The following CACNA2D2 variants were observed in gnomAD, a reference collection of about 807,000 sequenced individuals.
CACNA2D2 encodes the protein voltage-dependent calcium channel subunit alpha-2/delta-2.
CACNA2D2 carries 48 observed loss-of-function variants against 166.4 expected under a neutral mutation model. The observed-to-expected ratio is 0.29, with a 90% CI of 0.23 to 0.37. The LOEUF (loss-of-function observed/expected upper bound fraction) is 0.37. Among genes scored for constraint, CACNA2D2 ranks in the 10% least tolerant of loss-of-function variants. The pLI, the probability that CACNA2D2 is intolerant of heterozygous loss-of-function variation, is 1.00. For missense variants in CACNA2D2, 1,122 were observed against 1,433.0 expected, an observed-to-expected ratio of 0.78 and a Z score of 3.50; for synonymous variants, 561 against 573.7, an observed-to-expected ratio of 0.98 and a Z score of 0.32.
chr3:50,382,059 C>A (rs1256507078), intron 6 of CACNA2D2, among the ~76,000 whole-genome samples: 1 of 151,838 alleles, frequency 6.6e-6, no homozygotes, highest in Non-Finnish European at 1.5e-5. Flanking sequence ...TCCAATCCTG[C>A]GGACCCTTCA....
intron 2 of CACNA2D2, among the ~76,000 whole-genome samples, chr3:50,440,922 G>T (rs992871490): frequency 6.6e-6 from 1 of 152,186 alleles, no homozygotes; most frequent in Non-Finnish European, 1.5e-5. Flanking sequence ...GAGGACATCT[G>T]AGCAGTCTGA....
chr3:50,453,676 G>A (rs1442488312), intron 2 of CACNA2D2, among the ~76,000 whole-genome samples: 1 of 152,224 alleles, frequency 6.6e-6, no homozygotes, highest in Admixed American at 6.5e-5. Context: ...GAATCTTCCT[G>A]ACCACCATCC....
chr3:50,476,294 C>T, intron 1 of CACNA2D2, 95 bp from the exon 2 acceptor site: 10 of 890,074 alleles, frequency 1.1e-5, no homozygotes, highest in Non-Finnish European at 1.8e-5. Flanking sequence ...GGCAACTATC[C>T]ACTCACACCC....
At chr3:50,395,596 T>A (rs1706110391) in intron 3 of CACNA2D2, among the ~76,000 whole-genome samples, 2 of 152,218 alleles carry the variant, frequency 1.3e-5, no homozygotes, top group Non-Finnish European at 2.9e-5. Context: ...TGATATGGCA[T>A]GTGGGCCCCA....
chr3:50,497,007 G>T (rs183854233), intron 1 of CACNA2D2, among the ~76,000 whole-genome samples: 3 of 152,310 alleles, frequency 2.0e-5, no homozygotes, highest in Admixed American at 2.0e-4. Flanking sequence ...ATACTGATCA[G>T]CAGGAAAGGC....
intron 2 of CACNA2D2, among the ~76,000 whole-genome samples, chr3:50,473,682 C>A (rs1338865091): frequency 6.6e-6 from 1 of 152,170 alleles, no homozygotes; most frequent in South Asian, 2.1e-4. Flanking sequence ...GTGGCTCAGT[C>A]GGGGTCAGGG....
intron 4 of CACNA2D2, among the ~76,000 whole-genome samples, chr3:50,391,181 C>T (rs1429537099): frequency 6.6e-6 from 1 of 152,216 alleles, no homozygotes; most frequent in African/African-American, 2.4e-5. Flanking sequence ...GCTCCATCCA[C>T]TCCCACCATC....
At chr3:50,442,649 C>T (rs1001189157) in intron 2 of CACNA2D2, among the ~76,000 whole-genome samples, 9 of 152,202 alleles carry the variant, frequency 5.9e-5, no homozygotes, top group Non-Finnish European at 1.2e-4. Context: ...ACCCACATAT[C>T]CCAGGGCCCA....
At chr3:50,417,399 G>T (rs565265869) in intron 3 of CACNA2D2, among the ~76,000 whole-genome samples, 2 of 152,336 alleles carry the variant, frequency 1.3e-5, no homozygotes, top group East Asian at 3.9e-4. Flanking sequence ...TGCAACCCTT[G>T]CTTGTGAACT....
chr3:50,384,421 G>C, intron 5 of CACNA2D2, 84 bp from the exon 6 acceptor site: 3 of 1,503,780 alleles, frequency 2.0e-6, no homozygotes, highest in Non-Finnish European at 2.7e-6. Context: ...GGGCAGGGAG[G>C]GCCAGAGTCC....
At chr3:50,501,459 G>A (rs1560012964) in intron 1 of CACNA2D2, among the ~76,000 whole-genome samples, 1 of 130,748 alleles carries the variant, frequency 7.6e-6, no homozygotes, top group Non-Finnish European at 1.5e-5. Context: ...CAACTATATC[G>A]ACAACAGCGT....
rs1448919447 is a variant in CACNA2D2 at position 50,365,298 on chromosome 3, G to T, written c.3098+58C>A. On this transcript the variant is annotated intron_variant, in intron 35 of 37. Coordinates refer to ENST00000424201, the MANE Select transcript of CACNA2D2 (RefSeq NM_006030.4). The surrounding 1 kb of genome is among the most constrained non-coding windows in gnomAD (Gnocchi z 4.5). ...CCCCGCCCCTTCCATCCTCCCGAGC[G>T]TCTCGCCCCGCTCACAGGTTCCGCC... 22 of 1,522,224 alleles carry T rather than the reference G, an allele frequency of 1.4e-5. No individual in the cohort carries two copies. The highest frequency in any genetic ancestry group is 1.9e-5 in the Non-Finnish European group (21 of 1,126,362). The allele number at this position is 1,522,224 out of a possible 1,614,324, so 94.3% of individuals were successfully genotyped here. A position where few individuals can be genotyped will look rare whatever the true frequency, so the allele number is the denominator to read the frequency against.
intron 1 of CACNA2D2, among the ~76,000 whole-genome samples, chr3:50,484,017 C>T (rs762149671): frequency 5.3e-5 from 8 of 152,134 alleles, no homozygotes; most frequent in African/African-American, 1.4e-4. Context: ...TGCCCAGCTG[C>T]GGGTGTGGCT....
intron 1 of CACNA2D2, 91 bp downstream of exon 1, chr3:50,503,127 G>T: frequency 1.4e-6 from 1 of 722,328 alleles, no homozygotes; most frequent in Non-Finnish European, 1.8e-6. Context: ...CTCTGCCCTG[G>T]CGCGGAGCGC....
intron 1 of CACNA2D2, 80 bp from the exon 2 acceptor site, chr3:50,476,279 C>T (rs1697762294): frequency 9.0e-7 from 1 of 1,107,266 alleles, no homozygotes; most frequent in Non-Finnish European, 1.3e-6. Context: ...CCCGGGGGCA[C>T]TGGGGGCAAC....
chr3:50,391,139 C>T (rs938150199), intron 4 of CACNA2D2, among the ~76,000 whole-genome samples: 1 of 152,250 alleles, frequency 6.6e-6, no homozygotes, highest in Non-Finnish European at 1.5e-5. Context: ...GGCCCAGCCC[C>T]CTCACAGCCC....
intron 3 of CACNA2D2, among the ~76,000 whole-genome samples, chr3:50,428,201 G>A (rs543761358): frequency 6.6e-6 from 1 of 152,332 alleles, no homozygotes; most frequent in East Asian, 1.9e-4. Flanking sequence ...CTGGCATCTA[G>A]TGGGTAGAGG....
At chr3:50,474,716 G>A (rs1710235109) in intron 2 of CACNA2D2, among the ~76,000 whole-genome samples, 1 of 152,136 alleles carries the variant, frequency 6.6e-6, no homozygotes, top group African/African-American at 2.4e-5. Context: ...CACACATCAG[G>A]GAGCTATCAT....
At chr3:50,396,566 C>CTGGTGTGA (rs1483802044) in intron 3 of CACNA2D2, among the ~76,000 whole-genome samples, 1 of 152,096 alleles carries the variant, frequency 6.6e-6, no homozygotes, top group Non-Finnish European at 1.5e-5. Flanking sequence ...TGGATGAGGC[C>CTGGTGTGA]CCCAATTCAT....
Sources: gnomAD v4.1 joint callset for allele counts (sites outside exome capture counted in the v4.1 genomes callset) on GRCh38, gnomAD v4.1.1 for gene constraint, Gnocchi (gnomAD v3.1) non-coding constraint, MANE v1.5 for transcripts, NCBI Gene and HGNC (gene_info 2026-07-23, HGNC 2026-07-21) for gene names.